Variants in COMMD1 observed in about 807,000 individuals in gnomAD.
The protein encoded by COMMD1 is copper metabolism domain containing 1.
In COMMD1, 10 loss-of-function variants were observed where a neutral mutation model predicts 17.2. That is an observed-to-expected ratio of 0.58 (90% CI 0.36 to 0.99). The LOEUF is 0.99. Ranked by LOEUF, COMMD1 falls within the 50% of genes least tolerant of loss-of-function variation. The pLI, the probability that COMMD1 is intolerant of heterozygous loss-of-function variation, is 0.01. For missense variants in COMMD1, 270 were observed against 231.8 expected (o/e 1.17, Z -1.07); for synonymous variants, 97 against 91.6 (o/e 1.06, Z -0.34).
At chr2:62,119,676 C>A (rs186767210) in intron 2 of COMMD1, among the ~76,000 whole-genome samples, 47 of 152,264 alleles carry the variant, frequency 3.1e-4, no homozygotes, top group Non-Finnish European at 5.0e-4. Flanking sequence ...TTAGAGAAAC[C>A]ACATTGAGAA....
chr2:62,094,602 T>C (rs1205380543), intron 2 of COMMD1, among the ~76,000 whole-genome samples: 1 of 152,192 alleles, frequency 6.6e-6, no homozygotes, highest in Non-Finnish European at 1.5e-5. Context: ...TTAGGTTTTT[T>C]ATTCAAATTC....
intron 1 of COMMD1, among the ~76,000 whole-genome samples, chr2:61,974,630 C>G (rs995236588): frequency 6.7e-6 from 1 of 150,028 alleles, no homozygotes; most frequent in Non-Finnish European, 1.5e-5. Context: ...TGAGATCGTG[C>G]CACTGCACTC....
At chr2:62,061,984 C>CAA (rs59487576) in intron 2 of COMMD1, among the ~76,000 whole-genome samples, 1,593 of 129,274 alleles carry the variant, frequency 0.012, 36 homozygotes, top group African/African-American at 0.041. Context: ...ACAGTTACAG[C>CAA]AAAAAAAAAA....
At chr2:62,028,650 G>GTGT (rs1558568657) in intron 2 of COMMD1, among the ~76,000 whole-genome samples, 1 of 152,014 alleles carries the variant, frequency 6.6e-6, no homozygotes, top group Non-Finnish European at 1.5e-5. Flanking sequence ...CCCCAAAAGG[G>GTGT]TGTTATATTC....
At chr2:61,968,964 T>TA in intron 1 of COMMD1, 2 of 296,216 alleles carry the variant, frequency 6.8e-6, no homozygotes, top group Non-Finnish European at 1.4e-5. Context: ...TTTTTTTTTT[T>TA]AAAGACAGGA....
chr2:62,104,965 A>C (rs990020015), intron 2 of COMMD1, among the ~76,000 whole-genome samples: 2 of 152,012 alleles, frequency 1.3e-5, no homozygotes, highest in African/African-American at 4.8e-5. Flanking sequence ...ATCTCTACTG[A>C]AAATACAAAA....
chr2:62,040,238 A>G (rs1670152183), intron 2 of COMMD1, among the ~76,000 whole-genome samples: 1 of 152,206 alleles, frequency 6.6e-6, no homozygotes, highest in Non-Finnish European at 1.5e-5. Context: ...TACGTGACAG[A>G]GTGAGACTCT....
At chr2:61,928,608 A>T (rs1204460254) in intron 1 of COMMD1, 2 of 151,970 alleles carry the variant, frequency 1.3e-5, no homozygotes, top group Non-Finnish European at 2.9e-5. Flanking sequence ...ACCTTGACAT[A>T]TTTTTTTTAT....
intron 2 of COMMD1, among the ~76,000 whole-genome samples, chr2:62,023,587 G>A (rs970626194): frequency 6.6e-6 from 1 of 151,948 alleles, no homozygotes; most frequent in Admixed American, 6.6e-5. Flanking sequence ...GGGTTCAAGC[G>A]ATTCTCCTGC....
chr2:61,922,347 C>T (rs1048516333), intron 1 of COMMD1, among the ~76,000 whole-genome samples: 5 of 152,060 alleles, frequency 3.3e-5, no homozygotes, highest in African/African-American at 9.7e-5. Flanking sequence ...GATGGAGTTT[C>T]ACTTTTGTTG....
At chr2:61,888,442 G>T (rs377231309), upstream of COMMD1, 16 of 1,611,692 alleles carry the variant, frequency 9.9e-6, no homozygotes, top group African/African-American at 2.1e-4. Flanking sequence ...CCTGATAGGC[G>T]CCTTTCCCGC....
At chr2:62,099,738 G>A (rs567184750) in intron 2 of COMMD1, among the ~76,000 whole-genome samples, 1 of 152,078 alleles carries the variant, frequency 6.6e-6, no homozygotes, top group East Asian at 1.9e-4. Flanking sequence ...CCTCTGAGAG[G>A]GCTCAAAACA....
At chr2:62,008,782 G>GCTTA (rs1669195907) in intron 2 of COMMD1, among the ~76,000 whole-genome samples, 1 of 132,100 alleles carries the variant, frequency 7.6e-6, no homozygotes, top group African/African-American at 3.4e-5. Flanking sequence ...TTATTTGTTT[G>GCTTA]TTTATTTATT....
chr2:62,009,864 T>C (rs1417973194), intron 2 of COMMD1, among the ~76,000 whole-genome samples: 1 of 152,160 alleles, frequency 6.6e-6, no homozygotes. Context: ...GTGAAAGGAC[T>C]ATTCTTGTGA....
upstream of COMMD1, among the ~76,000 whole-genome samples, chr2:61,902,262 C>G (rs971565297): frequency 6.6e-6 from 1 of 151,656 alleles, no homozygotes; most frequent in Non-Finnish European, 1.5e-5. Context: ...AATCCCAGCA[C>G]TTTGGGAGGC....
chr2:62,017,413 A>G (rs1046578121), intron 2 of COMMD1, among the ~76,000 whole-genome samples: 5 of 152,204 alleles, frequency 3.3e-5, no homozygotes, highest in Non-Finnish European at 5.9e-5. Context: ...CATGCCTCTT[A>G]TGCTAACACT....
At chr2:62,091,397 T>A (rs1290024716) in intron 2 of COMMD1, among the ~76,000 whole-genome samples, 1 of 152,222 alleles carries the variant, frequency 6.6e-6, no homozygotes, top group African/African-American at 2.4e-5. Context: ...GGTCACACTT[T>A]AGTTTTTTGG....
chr2:62,001,213 A>G (rs2103805421), intron 2 of COMMD1: 2 of 517,246 alleles, frequency 3.9e-6, no homozygotes, highest in Non-Finnish European at 7.0e-6. Context: ...AGAATGGGCC[A>G]ATAATGTGAT....
chr2:61,888,642 G>T, upstream of COMMD1: 1 of 1,054,738 alleles, frequency 9.5e-7, no homozygotes, highest in Non-Finnish European at 1.3e-6. Flanking sequence ...TCGGGAGGAG[G>T]CGGAGGCGGA....
Sources: allele counts gnomAD v4.1 joint callset (sites outside exome capture counted in the v4.1 genomes callset), GRCh38; gene constraint gnomAD v4.1.1; transcripts MANE v1.5; gene names NCBI Gene and HGNC (gene_info 2026-07-23, HGNC 2026-07-21).